The following NUP205 variants were observed in gnomAD, a reference collection of about 807,000 sequenced individuals.
NUP205 encodes nuclear pore complex protein Nup205.
Under a neutral mutation model 253.8 loss-of-function variants are expected in NUP205, and 76 were observed. That is an observed-to-expected ratio of 0.30 (90% CI 0.25 to 0.36). NUP205 has a LOEUF of 0.36. NUP205 is among the 10% of genes least tolerant of loss of function. The probability of loss-of-function intolerance (pLI) is 1.00; values close to 1 mark genes in which losing one functional copy is unlikely to be tolerated. For synonymous variants in NUP205, 832 were observed against 850.1 expected, an observed-to-expected ratio of 0.98 and a Z score of 0.37; for missense variants, 2,162 against 2,425.5, an observed-to-expected ratio of 0.89 and a Z score of 2.28.
Position 135,626,339 on chromosome 7 carries a change from C to T in NUP205, c.4771C>T (p.Arg1591Cys), listed in dbSNP as rs768219930. ...AGCTCAATGCCAAGTCTATGACATG[C>T]GCCCAGAAACGGACCCGCAGAGGTA... ...RLAQCQVYDM[R>C]PETDPQSMFG... Residue 1591 changes from arginine (R) to cysteine (C), a missense_variant, in exon 33 of 43, where the codon CGC becomes TGC. By Grantham distance (180) the Arg-to-Cys change is radical. Coordinates refer to ENST00000285968, the MANE Select transcript of NUP205 (RefSeq NM_015135.3). The T allele has an allele frequency of 1.7e-5, 27 of 1,613,822 alleles. No individual in the cohort carries two copies. The highest frequency in any genetic ancestry group is 1.6e-4 in the Middle Eastern group (1 of 6,082).
Position 135,576,949 on chromosome 7 carries a change from T to C in NUP205, c.489-20T>C. 2 of 1,597,850 alleles carry C rather than the reference T, an allele frequency of 1.3e-6. No individual in the cohort carries two copies. Among genetic ancestry groups the C allele is most frequent in the East Asian group, 2.2e-5 (1 of 44,788 alleles). ...AAACAATATTGTTTAACGTAGTTTATTGATTTCTTTTCATTACAGTCCAGA... is the reference window on the plus strand; with the variant it reads ...AAACAATATTGTTTAACGTAGTTTACTGATTTCTTTTCATTACAGTCCAGA... On this transcript the variant is annotated intron_variant, in intron 4 of 42. Coordinates refer to ENST00000285968, the MANE Select transcript of NUP205 (RefSeq NM_015135.3).
chr7:135,606,699 T>A, intron 20 of NUP205, 52 bp from the exon 21 acceptor site: 1 of 1,428,006 alleles, frequency 7.0e-7, no homozygotes, highest in Non-Finnish European at 9.8e-7. Flanking sequence ...TTATTTGACT[T>A]ACGTTAACTT....
At chr7:135,604,223 T>G (rs915082096) in intron 18 of NUP205, 117 bp from the exon 19 acceptor site, 6 of 778,120 alleles carry the variant, frequency 7.7e-6, no homozygotes, top group Non-Finnish European at 1.2e-5. Context: ...CTTTTTCTTA[T>G]TTACCTTGAA....
Position 135,648,076 on chromosome 7 carries a change from C to T in NUP205, c.5887-328C>T, listed in dbSNP as rs75709573. Among the ~76,000 whole-genome samples, 7,508 of 150,798 alleles carry T rather than the reference C, an allele frequency of 0.05. 400 individuals carry two copies. Among genetic ancestry groups the T allele is most frequent in the African/African-American group, 0.13 (5,536 of 41,196 alleles). On this transcript the variant is annotated intron_variant, in intron 42 of 42. Transcript: ENST00000285968. Reference sequence around the variant, plus strand: ...TTCCCTCCCTCCCCCGCCAGTCTTACTGACTTCTTGTATGGCCCTTCAGGA... The same window carrying T: ...TTCCCTCCCTCCCCCGCCAGTCTTATTGACTTCTTGTATGGCCCTTCAGGA...
intron 1 of NUP205, among the ~76,000 whole-genome samples, chr7:135,563,270 C>T (rs1040511923): frequency 1.3e-5 from 2 of 152,158 alleles, no homozygotes; most frequent in Non-Finnish European, 1.5e-5. Flanking sequence ...TCACTGCAGC[C>T]TCCGCCTCCT....
chr7:135,607,480 C>G, intron 22 of NUP205, 109 bp downstream of exon 22: 1 of 1,209,200 alleles, frequency 8.3e-7, no homozygotes, highest in East Asian at 2.7e-5. Flanking sequence ...GAAATGAGTT[C>G]ATTTAGCAAT....
chr7:135,580,685 A>T (rs1483806305), intron 7 of NUP205, among the ~76,000 whole-genome samples: 5 of 152,036 alleles, frequency 3.3e-5, no homozygotes. Flanking sequence ...CTGGTCTCGA[A>T]CTCCGGAGCT....
intron 17 of NUP205, among the ~76,000 whole-genome samples, chr7:135,601,938 A>G (rs971527464): frequency 2.6e-5 from 4 of 152,246 alleles, no homozygotes; most frequent in African/African-American, 9.6e-5. Context: ...GGCTCTTTTA[A>G]AAGCACATTG....
chr7:135,614,649 T>C (rs1022646125), intron 23 of NUP205, among the ~76,000 whole-genome samples: 15 of 152,218 alleles, frequency 9.9e-5, no homozygotes, highest in African/African-American at 3.4e-4. Context: ...TTTTTGTTTC[T>C]TGTGTTTGTA....
chr7:135,594,927 T>C (rs1012532597), intron 13 of NUP205, among the ~76,000 whole-genome samples, 198 bp downstream of exon 13: 2 of 152,216 alleles, frequency 1.3e-5, no homozygotes, highest in African/African-American at 4.8e-5. Context: ...ATAACATCAC[T>C]AGGTTACCAG....
At chr7:135,599,457 T>C (rs1435003374) in intron 15 of NUP205, among the ~76,000 whole-genome samples, 4 of 152,206 alleles carry the variant, frequency 2.6e-5, no homozygotes, top group African/African-American at 9.6e-5. Context: ...TAACATGTAT[T>C]TCCTGATGGG....
rs926798562 is a variant in NUP205, at chr7:135,608,192, A to T, written c.3195+821A>T. Among the ~76,000 whole-genome samples, 5 of 151,664 alleles carry T rather than the reference A, an allele frequency of 3.3e-5. No homozygotes were observed. The South Asian group carries it at 8.4e-4, about 25-fold the overall frequency. On this transcript the variant is annotated intron_variant, in intron 22 of 42. Transcript: ENST00000285968. ...CAGGCGTGCCCACCATGCCCAGCTA[A>T]TTTTTGTATTTTTAGTAGAGACAGG...
chr7:135,577,737 G>A, intron 5 of NUP205, 59 bp from the exon 6 acceptor site: 5 of 1,303,602 alleles, frequency 3.8e-6, no homozygotes, highest in Non-Finnish European at 5.5e-6. Context: ...TTGTACTTTG[G>A]AATAAGACCA....
In NUP205 at chr7:135,598,178, A is replaced by G. The variant is rs1793888859; in HGVS notation, c.2245A>G (p.Thr749Ala). The stretch of plus-strand genomic sequence containing the variant: ...AGACTCTGTGTTTCTACGATTCCGT[A>G]CAAGAGCTTACCGGAGAGCAGCTGA... Reference protein sequence around the residue: ...LRDSVFLRFRTRAYRRAAEKW... With the variant: ...LRDSVFLRFRARAYRRAAEKW... Residue 749 changes from threonine to alanine, a missense_variant, in exon 15 of 43, where the codon ACA becomes GCA. Physicochemically the swap from Thr to Ala is moderately conservative, Grantham distance 58. This residue lies in a region of NUP205 where 892 missense variants were observed against 957.1 expected (regional missense o/e 0.93). Transcript: ENST00000285968. 1.2e-6 allele frequency: 2 copies of G among 1,614,128 alleles called. No individual in the cohort carries two copies. The highest frequency in any genetic ancestry group is 1.7e-6 in the Non-Finnish European group (2 of 1,179,988).
At chr7:135,624,542 A>AC (rs1554466168) in intron 31 of NUP205, among the ~76,000 whole-genome samples, 1 of 151,576 alleles carries the variant, frequency 6.6e-6, no homozygotes, top group Non-Finnish European at 1.5e-5. Flanking sequence ...CGCCCAGCTA[A>AC]TTTTTTTTGT....
intron 20 of NUP205, 66 bp from the exon 21 acceptor site, chr7:135,606,684 AT>A: frequency 7.8e-7 from 1 of 1,283,022 alleles, no homozygotes; most frequent in South Asian, 1.3e-5. Flanking sequence ...CAAGTTTTGT[AT>A]TTTTTATTTG....
At chr7:135,562,848 A>G (rs1215671623) in intron 1 of NUP205, among the ~76,000 whole-genome samples, 3 of 152,106 alleles carry the variant, frequency 2.0e-5, no homozygotes, top group African/African-American at 4.8e-5. Flanking sequence ...TCGGTCATCA[A>G]AATTCTTTAA....
chr7:135,568,056 C>A (rs1805835364), intron 1 of NUP205, among the ~76,000 whole-genome samples: 1 of 152,042 alleles, frequency 6.6e-6, no homozygotes, highest in African/African-American at 2.4e-5. Context: ...GAAGCCCCAT[C>A]TCTAATAAAA....
chr7:135,567,607 T>C (rs1286623839), intron 1 of NUP205, among the ~76,000 whole-genome samples: 1 of 150,958 alleles, frequency 6.6e-6, no homozygotes, highest in Non-Finnish European at 1.5e-5. Context: ...TGAGACCCTG[T>C]CTCAAAAAAA....
Sources: allele counts gnomAD v4.1 joint callset (sites outside exome capture counted in the v4.1 genomes callset), GRCh38; gene constraint gnomAD v4.1.1; regional missense constraint gnomAD v4.1.1; transcripts MANE v1.5; gene names NCBI Gene and HGNC (gene_info 2026-07-23, HGNC 2026-07-21).